Variants in HIRA observed in about 807,000 individuals in gnomAD.
HIRA encodes protein HIRA.
Under a neutral mutation model 126.6 loss-of-function variants are expected in HIRA, and 13 were observed. The ratio of observed to expected loss-of-function variants is 0.10; its 90% confidence interval spans 0.07 to 0.16. The LOEUF is 0.16. HIRA is among the 10% of genes least tolerant of loss of function. The probability of loss-of-function intolerance (pLI) is 1.00; values close to 1 mark genes in which losing one functional copy is unlikely to be tolerated. For missense variants in HIRA, 834 were observed against 1,314.4 expected (o/e 0.63, Z 5.65); for synonymous variants, 511 against 520.0 (o/e 0.98, Z 0.24).
intron 5 of HIRA, among the ~76,000 whole-genome samples, chr22:19,401,109 T>A (rs1210090556): frequency 6.6e-6 from 1 of 152,154 alleles, no homozygotes; most frequent in African/African-American, 2.4e-5. Flanking sequence ...CCTCTCCTAG[T>A]GTTTTTTGAG....
chr22:19,420,157 A>G (rs1367078066), intron 1 of HIRA, among the ~76,000 whole-genome samples: 2 of 152,046 alleles, frequency 1.3e-5, no homozygotes, highest in African/African-American at 4.8e-5. Flanking sequence ...CTGCCAACAT[A>G]TAATCAACAA....
intron 15 of HIRA, among the ~76,000 whole-genome samples, chr22:19,368,223 C>G (rs1569297685): frequency 6.6e-6 from 1 of 152,182 alleles, no homozygotes; most frequent in Non-Finnish European, 1.5e-5. Flanking sequence ...GGCAGATACA[C>G]ACACCAGCGT....
At chr22:19,396,679 C>A (rs2089227104) in intron 7 of HIRA, 108 bp downstream of exon 7, 2 of 1,139,248 alleles carry the variant, frequency 1.8e-6, no homozygotes, top group Admixed American at 2.1e-5. Context: ...GGACTCTGTG[C>A]ATTCCCCAGG....
intron 4 of HIRA, 36 bp from the exon 5 acceptor site, chr22:19,405,916 G>C (rs2089304670): frequency 7.2e-7 from 1 of 1,393,524 alleles, no homozygotes; most frequent in Non-Finnish European, 9.6e-7. Context: ...CACTCATGGA[G>C]TGCTCTGGGC....
chr22:19,368,910 C>T (rs987867535), intron 15 of HIRA, among the ~76,000 whole-genome samples: 21 of 152,194 alleles, frequency 1.4e-4, no homozygotes, highest in Non-Finnish European at 2.8e-4. Flanking sequence ...AGTCTCCCCA[C>T]CTCCTGCCTC....
intron 24 of HIRA, among the ~76,000 whole-genome samples, chr22:19,346,743 T>C (rs2088691111): frequency 6.6e-6 from 1 of 152,198 alleles, no homozygotes; most frequent in African/African-American, 2.4e-5. Context: ...TTCTCTCTCC[T>C]TCCCTGATCT....
chr22:19,334,579 G>A (rs1254363324), intron 24 of HIRA, among the ~76,000 whole-genome samples: 1 of 151,450 alleles, frequency 6.6e-6, no homozygotes, highest in African/African-American at 2.4e-5. Context: ...TTGAGGTCAG[G>A]AGTTCGAGAC....
At chr22:19,345,581 C>T (rs193281544) in intron 24 of HIRA, among the ~76,000 whole-genome samples, 1 of 152,320 alleles carries the variant, frequency 6.6e-6, no homozygotes, top group Non-Finnish European at 1.5e-5. Flanking sequence ...CAGGATAAAA[C>T]TGTTCCACCT....
chr22:19,403,380 C>G (rs552410766), intron 5 of HIRA, among the ~76,000 whole-genome samples: 1 of 152,248 alleles, frequency 6.6e-6, no homozygotes, highest in South Asian at 2.1e-4. Context: ...GAGGCCAGGA[C>G]AGGCAGATCA....
chr22:19,355,934 A>G, intron 20 of HIRA, 69 bp from the exon 21 acceptor site: 1 of 1,115,136 alleles, frequency 9.0e-7, no homozygotes, highest in Non-Finnish European at 1.3e-6. Flanking sequence ...ATATCAAAGG[A>G]GAAATCTGTA....
intron 1 of HIRA, among the ~76,000 whole-genome samples, chr22:19,420,409 T>C (rs1171602445): frequency 1.5e-5 from 2 of 136,072 alleles, no homozygotes; most frequent in Non-Finnish European, 3.0e-5. Context: ...GAGGCTGCAG[T>C]GAGCCGTGAT....
intron 1 of HIRA, among the ~76,000 whole-genome samples, chr22:19,429,709 T>C (rs1391019446): frequency 6.6e-6 from 1 of 152,222 alleles, no homozygotes; most frequent in African/African-American, 2.4e-5. Context: ...TTGACTTACT[T>C]ATGTTTACAT....
At chr22:19,387,682 A>C (rs917679362) in intron 11 of HIRA, 29 bp downstream of exon 11, 1 of 1,568,610 alleles carries the variant, frequency 6.4e-7, no homozygotes. Flanking sequence ...GCCACAGAGC[A>C]CCCAGCAGCA....
intron 24 of HIRA, among the ~76,000 whole-genome samples, chr22:19,345,763 T>C (rs536637866): frequency 6.6e-6 from 1 of 152,266 alleles, no homozygotes; most frequent in East Asian, 1.9e-4. Flanking sequence ...AAAGGGAGGC[T>C]TCCTAAGAAC....
intron 10 of HIRA, among the ~76,000 whole-genome samples, 165 bp from the exon 11 acceptor site, chr22:19,387,981 G>C (rs1438745683): frequency 7.1e-6 from 1 of 140,850 alleles, no homozygotes; most frequent in Admixed American, 7.0e-5. Flanking sequence ...GCGGGGGGGG[G>C]AGGGGGCGAC....
intron 24 of HIRA, among the ~76,000 whole-genome samples, chr22:19,340,653 A>C (rs532317116): frequency 2.3e-4 from 35 of 152,212 alleles, no homozygotes; most frequent in Non-Finnish European, 4.8e-4. Flanking sequence ...AGATCTAATA[A>C]ATGAATTCCG....
intron 24 of HIRA, among the ~76,000 whole-genome samples, chr22:19,339,711 TAGAAA>T (rs1401765202): frequency 6.1e-5 from 9 of 148,616 alleles, no homozygotes; most frequent in Non-Finnish European, 4.5e-5. Context: ...ACCACAGAAA[TAGAAA>T]AGATCATTCA....
chr22:19,338,737 G>T (rs62222287), intron 24 of HIRA, among the ~76,000 whole-genome samples: 2,976 of 152,268 alleles, frequency 0.02, 38 homozygotes, highest in Non-Finnish European at 0.03. Flanking sequence ...ATTACATAAT[G>T]ATAAAAGGAT....
In HIRA at chr22:19,351,229, G is replaced by A; in HGVS notation, c.2937+129C>T. On this transcript the variant is annotated intron_variant, in intron 24 of 24. Transcript: ENST00000263208. The surrounding 1 kb of genome is among the most constrained non-coding windows in gnomAD (Gnocchi z 4.8). ...GGCATGTCACCCTCTCACTGATGCT[G>A]GGACCTGAGGCTGGGTGCTGGAGAA... is the stretch of plus-strand genomic sequence containing the variant. 1 of 1,413,952 alleles carries A rather than the reference G, an allele frequency of 7.1e-7. No homozygotes were observed. The highest frequency in any genetic ancestry group is 9.2e-7 in the Non-Finnish European group (1 of 1,085,406). 87.6% of individuals were successfully genotyped at this position (1,413,952 alleles called of 1,614,324 possible). A position where few individuals can be genotyped will look rare whatever the true frequency, so the allele number is the denominator to read the frequency against.
Sources: gnomAD v4.1 joint callset for allele counts (sites outside exome capture counted in the v4.1 genomes callset) on GRCh38, gnomAD v4.1.1 for gene constraint, Gnocchi (gnomAD v3.1) non-coding constraint, MANE v1.5 for transcripts, NCBI Gene and HGNC (gene_info 2026-07-23, HGNC 2026-07-21) for gene names.